GRID2: variants seen among roughly 807,000 people sequenced by gnomAD.
The protein encoded by GRID2 is glutamate receptor ionotropic, delta-2.
Under a neutral mutation model 114.8 loss-of-function variants are expected in GRID2, and 33 were observed. That is an observed-to-expected ratio of 0.29 (90% CI 0.22 to 0.38). The LOEUF (loss-of-function observed/expected upper bound fraction) is 0.38. Ranked by LOEUF, GRID2 falls within the 10% of genes least tolerant of loss-of-function variation. The pLI, the probability that GRID2 is intolerant of heterozygous loss-of-function variation, is 1.00. For missense variants in GRID2, 1,184 were observed against 1,257.7 expected, an observed-to-expected ratio of 0.94 and a Z score of 0.89; for synonymous variants, 505 against 449.9, an observed-to-expected ratio of 1.12 and a Z score of -1.55.
At chr4:92,911,027 C>T (rs973042775) in intron 2 of GRID2, among the ~76,000 whole-genome samples, 6 of 151,912 alleles carry the variant, frequency 3.9e-5, no homozygotes, top group South Asian at 2.1e-4. Context: ...AAATACTGCA[C>T]GTTGAATATC....
chr4:92,524,229 T>G (rs1356389602), intron 1 of GRID2, among the ~76,000 whole-genome samples: 1 of 151,874 alleles, frequency 6.6e-6, no homozygotes, highest in Non-Finnish European at 1.5e-5. Context: ...GTCAAAAGGA[T>G]TAATGGGTAT....
intron 2 of GRID2, among the ~76,000 whole-genome samples, chr4:92,718,334 ATGG>A (rs1388425214): frequency 6.6e-6 from 1 of 152,120 alleles, no homozygotes; most frequent in African/African-American, 2.4e-5. Context: ...ACTTGTTTAC[ATGG>A]TGTTTTGCCA....
chr4:92,622,627 G>A (rs62307911), intron 2 of GRID2, among the ~76,000 whole-genome samples: 7,127 of 151,752 alleles, frequency 0.047, 205 homozygotes, highest in East Asian at 0.094. Context: ...AGATATTTAA[G>A]AGGTTTTATT....
intron 9 of GRID2, among the ~76,000 whole-genome samples, chr4:93,404,016 A>G (rs1030720021): frequency 2.0e-5 from 3 of 152,218 alleles, no homozygotes; most frequent in South Asian, 4.1e-4. Context: ...AATGTAGTAT[A>G]CCATAAAATG....
At chr4:92,635,115 C>T (rs899469) in intron 2 of GRID2, among the ~76,000 whole-genome samples, 1 of 151,898 alleles carries the variant, frequency 6.6e-6, no homozygotes, top group African/African-American at 2.4e-5. Context: ...ACAATATTTG[C>T]TTGGTATCCG....
chr4:93,181,011 T>C (rs1739840943), intron 4 of GRID2, among the ~76,000 whole-genome samples: 1 of 152,194 alleles, frequency 6.6e-6, no homozygotes, highest in Non-Finnish European at 1.5e-5. Flanking sequence ...ATGATGAATT[T>C]GTTCCAGAAA....
chr4:93,233,034 A>T (rs567080193), intron 7 of GRID2, among the ~76,000 whole-genome samples: 4 of 152,320 alleles, frequency 2.6e-5, no homozygotes, highest in Non-Finnish European at 1.5e-5. Context: ...AGAGTGATAG[A>T]TAAGTGGAAA....
intron 14 of GRID2, among the ~76,000 whole-genome samples, chr4:93,705,995 TA>T (rs1408869016): frequency 3.9e-5 from 6 of 152,186 alleles, no homozygotes; most frequent in Non-Finnish European, 8.8e-5. Flanking sequence ...ACTGTGGATG[TA>T]TACATTTATT....
chr4:93,466,105 C>G (rs1724245473), intron 11 of GRID2, among the ~76,000 whole-genome samples: 1 of 152,106 alleles, frequency 6.6e-6, no homozygotes, highest in Admixed American at 6.6e-5. Flanking sequence ...GGAATTATAT[C>G]TCGAGATCTG....
At chr4:92,338,612 G>T (rs1019732334) in intron 1 of GRID2, among the ~76,000 whole-genome samples, 3 of 151,902 alleles carry the variant, frequency 2.0e-5, no homozygotes, top group African/African-American at 7.2e-5. Context: ...ATACAAAAAA[G>T]AATTGTTCTG....
At chr4:93,106,330 C>T (rs1216278857) in intron 3 of GRID2, among the ~76,000 whole-genome samples, 3 of 152,098 alleles carry the variant, frequency 2.0e-5, no homozygotes, top group African/African-American at 7.2e-5. Flanking sequence ...TTGAACAAAA[C>T]CAAAGGCTTA....
At chr4:92,882,992 A>G (rs1407083325) in intron 2 of GRID2, among the ~76,000 whole-genome samples, 2 of 152,154 alleles carry the variant, frequency 1.3e-5, no homozygotes, top group Non-Finnish European at 2.9e-5. Flanking sequence ...ACAACAGTGA[A>G]GTTTGCCACA....
chr4:93,189,175 CTG>C (rs1465565004), intron 4 of GRID2, among the ~76,000 whole-genome samples: 4 of 152,116 alleles, frequency 2.6e-5, no homozygotes, highest in Admixed American at 1.3e-4. Flanking sequence ...GTACCAAATT[CTG>C]TGTTTGTCAG....
At chr4:92,417,506 G>A (rs1398396822) in intron 1 of GRID2, among the ~76,000 whole-genome samples, 2 of 151,960 alleles carry the variant, frequency 1.3e-5, no homozygotes, top group African/African-American at 2.4e-5. Flanking sequence ...AGGAACTAAC[G>A]CTCCAGTAGA....
chr4:93,117,473 G>A lies in GRID2; in HGVS notation c.735+6520G>A, dbSNP rs78537471. ...TTTTGCAAATTCACCTATTCATTAA[G>A]CTTTATTTGTAATTCCAAAATCAAT... On this transcript the variant is annotated intron_variant, in intron 4 of 15. Coordinates refer to ENST00000282020, the MANE Select transcript of GRID2 (RefSeq NM_001510.4). Among the ~76,000 whole-genome samples, 927 of 152,014 alleles carry A rather than the reference G, an allele frequency of 6.1e-3. 17 individuals are homozygous for A. The highest frequency in any genetic ancestry group is 0.022 in the African/African-American group (901 of 41,454).
chr4:93,333,626 A>T (rs1758729630), intron 8 of GRID2, among the ~76,000 whole-genome samples: 1 of 152,194 alleles, frequency 6.6e-6, no homozygotes, highest in Admixed American at 6.5e-5. Context: ...GGATGAGCAA[A>T]TCAAACCATT....
chr4:92,492,236 C>G (rs1022531562), intron 1 of GRID2, among the ~76,000 whole-genome samples: 1 of 152,136 alleles, frequency 6.6e-6, no homozygotes, highest in Admixed American at 6.6e-5. Context: ...AAGAAAGACT[C>G]TACCGAACTG....
intron 2 of GRID2, among the ~76,000 whole-genome samples, chr4:92,763,387 A>G (rs527502081): frequency 1.3e-5 from 2 of 152,302 alleles, no homozygotes; most frequent in Admixed American, 6.5e-5. Flanking sequence ...TCTGTCCTCC[A>G]TATCCCCAGG....
Position 93,773,856 on chromosome 4 carries a change from A to G in GRID2, c.*1358A>G, listed in dbSNP as rs1734267610. The G allele has an allele frequency of 6.6e-6, 1 of 152,122 alleles. No individual in the cohort carries two copies. The highest frequency in any genetic ancestry group is 2.4e-5 in the African/African-American group (1 of 41,444). The allele number at this position is 152,122 out of a possible 1,614,324, so 9.4% of individuals were successfully genotyped here. On this transcript the variant is annotated 3_prime_UTR_variant, in exon 16 of 16. Coordinates refer to ENST00000282020, the MANE Select transcript of GRID2 (RefSeq NM_001510.4). ...GTTATGTATTTTTTACATTAGTGCC[A>G]AGTATATAGAAGGATGACAGCAAAA...
Sources: gnomAD v4.1 joint callset for allele counts (sites outside exome capture counted in the v4.1 genomes callset) on GRCh38, gnomAD v4.1.1 for gene constraint, MANE v1.5 for transcripts, NCBI Gene and HGNC (gene_info 2026-07-23, HGNC 2026-07-21) for gene names.